FATE1: variants seen among roughly 807,000 people sequenced by gnomAD.
FATE1 encodes the protein fetal and adult testis expressed 1.
A neutral mutation model predicts 16.0 loss-of-function variants in FATE1; 18 were observed. That is an observed-to-expected ratio of 1.12 (90% CI 0.78 to 1.66). FATE1 has a LOEUF of 1.66. Ranked by LOEUF, FATE1 falls within the 40% of genes most tolerant of loss-of-function variation. FATE1 has a pLI of 0.00. For synonymous variants in FATE1, 76 were observed against 56.9 expected (o/e 1.34, Z -1.51); for missense variants, 169 against 152.7 (o/e 1.11, Z -0.56).
In FATE1 at chrX:151,721,551, TG is replaced by T. The variant is rs745418230; in HGVS notation, c.341+54del. The T allele has an allele frequency of 4.4e-5, 48 of 1,085,694 alleles. No individual in the cohort carries two copies. In the African/African-American group the frequency reaches 8.6e-4, roughly 19 times the overall value. 89.5% of individuals were successfully genotyped at this position (1,085,694 alleles called of 1,213,427 possible). A position where few individuals can be genotyped will look rare whatever the true frequency, so the allele number is the denominator to read the frequency against. Reference sequence around the variant, plus strand: ...CTGGCTGCTCAGACAGGGCCCGGAGTGGGGCAGAGGGGCTGGTGAGCAGCCT... The same window carrying T: ...CTGGCTGCTCAGACAGGGCCCGGAGTGGGCAGAGGGGCTGGTGAGCAGCCT... On this transcript the variant is annotated intron_variant, in intron 3 of 4. Transcript: ENST00000370350.
chrX:151,720,262 T>C (rs1277622254), intron 2 of FATE1, among the ~76,000 whole-genome samples: 1 of 111,537 alleles, frequency 9.0e-6, no homozygotes, highest in South Asian at 3.8e-4. Flanking sequence ...GGGCCTCCTT[T>C]GTCAGCTGAG....
Position 151,722,654 on chromosome X carries a change from C to T in FATE1, c.447C>T (p.Arg149=), listed in dbSNP as rs924592557. The stretch of plus-strand genomic sequence containing the variant: ...TGTATGCAGTCAACCGGCGTCTGCG[C>T]GCCCTGGAGGAACAGGGCGCCACCT... The part of the protein sequence containing the change: ...RQLYAVNRRL[R]ALEEQGATWR... Residue 149 remains arginine, a synonymous_variant, in exon 5 of 5, where the codon CGC becomes CGT. Transcript: ENST00000370350. 5.8e-6 allele frequency: 7 copies of T among 1,211,357 alleles called. No individual in the cohort carries two copies. Among genetic ancestry groups the T allele is most frequent in the African/African-American group, 5.2e-5 (3 of 57,671 alleles).
intron 2 of FATE1, among the ~76,000 whole-genome samples, chrX:151,720,462 G>A (rs112630329): frequency 6.4e-4 from 72 of 112,097 alleles, no homozygotes; most frequent in Middle Eastern, 4.6e-3. Context: ...AAATATGAGG[G>A]ACATCGTAGT....
At chrX:151,717,510 G>T in intron 2 of FATE1, 111 bp downstream of exon 2, 5 of 907,533 alleles carry the variant, frequency 5.5e-6, no homozygotes, top group Non-Finnish European at 7.5e-6. Context: ...CTTGTGAGGA[G>T]GAGGAAGCTC....
rs560880680 is a variant in FATE1, at chrX:151,716,324, G to C, written c.106+99G>C. Reference sequence around the variant, plus strand: ...GTTGGAAAAGGTGCATGTGTGCACGGAAGTGTTTGCACATCTGTGTGTTGG... The same window carrying C: ...GTTGGAAAAGGTGCATGTGTGCACGCAAGTGTTTGCACATCTGTGTGTTGG... On this transcript the variant is annotated intron_variant, in intron 1 of 4. Transcript: ENST00000370350. 31 of 725,663 alleles carry C rather than the reference G, an allele frequency of 4.3e-5. No individual in the cohort carries two copies. The South Asian group carries it at 9.7e-4, about 23-fold the overall frequency. The allele number at this position is 725,663 out of a possible 1,213,427, so 59.8% of individuals were successfully genotyped here. A position where few individuals can be genotyped will look rare whatever the true frequency, so the allele number is the denominator to read the frequency against.
At chrX:151,719,607 A>G (rs2015097950) in intron 2 of FATE1, among the ~76,000 whole-genome samples, 1 of 112,264 alleles carries the variant, frequency 8.9e-6, no homozygotes, top group African/African-American at 3.2e-5. Context: ...CCTAATACCC[A>G]TTATCTTTTT....
intron 1 of FATE1, among the ~76,000 whole-genome samples, chrX:151,716,713 T>C (rs1189512588): frequency 8.9e-6 from 1 of 111,881 alleles, no homozygotes; most frequent in Non-Finnish European, 1.9e-5. Flanking sequence ...TTATGTTTGT[T>C]CTTACGATGC....
rs1354225111 is a variant in FATE1 at position 151,721,521 on chromosome X, G to A, written c.341+20G>A. 2 of 1,172,729 alleles carry A rather than the reference G, an allele frequency of 1.7e-6. No homozygotes were observed. Among genetic ancestry groups the A allele is most frequent in the Non-Finnish European group, 2.3e-6 (2 of 861,037 alleles). On this transcript the variant is annotated intron_variant, in intron 3 of 4. Transcript: ENST00000370350. ...TGATCGGTAAGAGCTGAGGGTCTGT[G>A]GGCCCTGGCTGCTCAGACAGGGCCC...
intron 1 of FATE1, 27 bp downstream of exon 1, chrX:151,716,252 G>T (rs1477423166): frequency 9.0e-7 from 1 of 1,115,133 alleles, no homozygotes; most frequent in African/African-American, 1.8e-5. Flanking sequence ...ATACCCCTAG[G>T]CTACAGCCAA....
In FATE1 at chrX:151,721,978, A is replaced by G; in HGVS notation, c.417A>G (p.Arg139=). The G allele has an allele frequency of 8.3e-6, 10 of 1,209,506 alleles. No homozygotes were observed. Among genetic ancestry groups the G allele is most frequent in the Admixed American group, 2.2e-5 (1 of 45,902 alleles). The change falls in exon 4 of 5, where the codon AGA becomes AGG. Residue 139 remains arginine, a synonymous_variant. Coordinates refer to ENST00000370350, the MANE Select transcript of FATE1 (RefSeq NM_033085.3). The stretch of plus-strand genomic sequence containing the variant: ...TACTGGAGATGGAAGTCATGAGAAG[A>G]CAGGTGAGGAGGGACCCAATCGGTG... ...FNVLEMEVMR[R]QLYAVNRRLR... is the part of the protein sequence containing the mutation.
Position 151,720,438 on chromosome X carries a change from C to T in FATE1, c.235-957C>T, listed in dbSNP as rs186082904. Among the ~76,000 whole-genome samples, 5 of 112,024 alleles carry T rather than the reference C, an allele frequency of 4.5e-5. No individual in the cohort carries two copies. The East Asian group carries it at 1.4e-3, about 31-fold the overall frequency. On this transcript the variant is annotated intron_variant, in intron 2 of 4. Coordinates refer to ENST00000370350, the MANE Select transcript of FATE1 (RefSeq NM_033085.3). ...TCACTGGCAATTAGTGGAGCCTTAA[C>T]AGGAAGGAGTGTTAAATATGAGGGA...
In FATE1 at chrX:151,722,745, T is replaced by C; in HGVS notation, c.538T>C (p.Trp180Arg). Residue 180 changes from tryptophan (W) to arginine (R), a missense_variant, in exon 5 of 5, where the codon TGG becomes CGG. Transcript: ENST00000370350. ...VSASIANLWL[W>R]MNQ ...GGCCAGCATTGCCAACCTGTGGCTG[T>C]GGATGAACCAGTGATCGCCCCAGCG... 8.3e-7 allele frequency: 1 copy of C among 1,210,223 alleles called. No individual in the cohort carries two copies. Among genetic ancestry groups the C allele is most frequent in the Non-Finnish European group, 1.1e-6 (1 of 894,517 alleles).
chrX:151,721,234 G>T (rs1432231061), intron 2 of FATE1, among the ~76,000 whole-genome samples, 161 bp from the exon 3 acceptor site: 1 of 112,068 alleles, frequency 8.9e-6, no homozygotes, highest in African/African-American at 3.2e-5. Flanking sequence ...GCCTGTGTGG[G>T]GTTCCCAAGC....
intron 2 of FATE1, among the ~76,000 whole-genome samples, chrX:151,720,003 CACCCTGA>C (rs1347580187): frequency 1.8e-5 from 2 of 111,920 alleles, no homozygotes; most frequent in Admixed American, 1.9e-4. Flanking sequence ...TCATGTGGGG[CACCCTGA>C]ACCCTGCCAG....
At chrX:151,721,834 C>A in intron 3 of FATE1, 69 bp from the exon 4 acceptor site, 1 of 986,725 alleles carries the variant, frequency 1.0e-6, no homozygotes, top group Non-Finnish European at 1.4e-6. Context: ...TGCTTGACCT[C>A]ACTGCCTTCT....
In FATE1 at chrX:151,721,916, G is replaced by A; in HGVS notation, c.355G>A (p.Asp119Asn). The A allele has an allele frequency of 8.3e-7, 1 of 1,211,483 alleles. No homozygotes were observed. Among genetic ancestry groups the A allele is most frequent in the Non-Finnish European group, 1.1e-6 (1 of 895,380 alleles). Residue 119 changes from aspartate (D) to asparagine (N), a missense_variant, in exon 4 of 5, where the codon GAT becomes AAT. Transcript: ENST00000370350. ...RFHYDRNPGT[D>N]AVAQTSLEEF... ...TTTCTCTCCCAGCAACCCAGGGACA[G>A]ATGCAGTGGCGCAGACTAGCCTGGA... is the stretch of plus-strand genomic sequence containing the variant.
At chrX:151,716,931 A>G (rs1489456730) in intron 1 of FATE1, among the ~76,000 whole-genome samples, 1 of 111,111 alleles carries the variant, frequency 9.0e-6, no homozygotes, top group East Asian at 2.9e-4. Flanking sequence ...CTCTGTCTGC[A>G]TTTGCAAGGA....
At chrX:151,721,862 A>G (rs1207947005) in intron 3 of FATE1, 41 bp from the exon 4 acceptor site, 3 of 1,168,016 alleles carry the variant, frequency 2.6e-6, no homozygotes, top group Non-Finnish European at 3.5e-6. Flanking sequence ...CCTGCCAGGG[A>G]CCACCAGCAG....
chrX:151,722,125 C>T (rs1301506646), intron 4 of FATE1, 144 bp downstream of exon 4: 1 of 507,004 alleles, frequency 2.0e-6, no homozygotes, highest in Admixed American at 3.4e-5. Flanking sequence ...CCTCTTCCTC[C>T]TCATCCCCAT....
Sources: allele counts gnomAD v4.1 joint callset (sites outside exome capture counted in the v4.1 genomes callset), GRCh38; gene constraint gnomAD v4.1.1; transcripts MANE v1.5; gene names NCBI Gene and HGNC (gene_info 2026-07-23, HGNC 2026-07-21).